SULT1E1: variants seen among roughly 807,000 people sequenced by gnomAD.
SULT1E1 encodes the protein sulfotransferase family 1E member 1.
Under a neutral mutation model 33.6 loss-of-function variants are expected in SULT1E1, and 36 were observed. The observed-to-expected ratio is 1.07, with a 90% CI of 0.82 to 1.41. The LOEUF (loss-of-function observed/expected upper bound fraction) is 1.41. Ranked by LOEUF, SULT1E1 falls within the 40% of genes most tolerant of loss-of-function variation. The pLI, the probability that SULT1E1 is intolerant of heterozygous loss-of-function variation, is 0.00. For synonymous variants in SULT1E1, 121 were observed against 111.7 expected (o/e 1.08, Z -0.53); for missense variants, 371 against 345.7 (o/e 1.07, Z -0.58).
At chr4:69,857,944 A>G (rs188807705) in intron 1 of SULT1E1, among the ~76,000 whole-genome samples, 1 of 152,206 alleles carries the variant, frequency 6.6e-6, no homozygotes, top group Non-Finnish European at 1.5e-5. Context: ...TTATTCCGTG[A>G]TAAATAAAAA....
chr4:69,844,447 G>T, intron 6 of SULT1E1, 106 bp from the exon 7 acceptor site: 1 of 805,880 alleles, frequency 1.2e-6, no homozygotes, highest in South Asian at 2.4e-5. Context: ...ACTGATATTA[G>T]AATTAGATTT....
intron 6 of SULT1E1, among the ~76,000 whole-genome samples, chr4:69,845,541 A>G (rs1405975080): frequency 6.6e-6 from 1 of 151,380 alleles, no homozygotes; most frequent in African/African-American, 2.4e-5. Flanking sequence ...GTGTATATAT[A>G]TATAATATAT....
downstream of SULT1E1, among the ~76,000 whole-genome samples, chr4:69,836,466 A>C (rs1720798870): frequency 6.6e-6 from 1 of 152,178 alleles, no homozygotes; most frequent in Non-Finnish European, 1.5e-5. Context: ...GCCATTTGCT[A>C]TTAGGCAATC....
At chr4:69,836,383 T>C (rs74534777), downstream of SULT1E1, among the ~76,000 whole-genome samples, 6,656 of 152,316 alleles carry the variant, frequency 0.044, 214 homozygotes, top group East Asian at 0.082. Flanking sequence ...TTTCATCTTA[T>C]AGAGACATTC....
the SULT1E1 span, among the ~76,000 whole-genome samples, chr4:69,833,481 T>A: frequency 6.6e-6 from 1 of 152,340 alleles, no homozygotes; most frequent in Non-Finnish European, 1.5e-5. Flanking sequence ...ACTTACTGTC[T>A]GGTTCCTTCA....
chr4:69,829,564 C>T, the SULT1E1 span, among the ~76,000 whole-genome samples: 1 of 152,170 alleles, frequency 6.6e-6, no homozygotes, highest in African/African-American at 2.4e-5. Context: ...AGGGTTAACA[C>T]CATAGCCTAT....
intron 4 of SULT1E1, 95 bp from the exon 5 acceptor site, chr4:69,849,658 A>G: frequency 1.8e-6 from 2 of 1,123,696 alleles, no homozygotes; most frequent in Non-Finnish European, 2.5e-6. Context: ...TTCAAATATA[A>G]ACATAATACA....
the SULT1E1 span, among the ~76,000 whole-genome samples, chr4:69,822,844 A>G: frequency 3.1e-3 from 469 of 152,296 alleles, 1 homozygote; most frequent in Non-Finnish European, 4.8e-3. Flanking sequence ...GGAGATGTTT[A>G]GAAGAATATG....
the SULT1E1 span, among the ~76,000 whole-genome samples, chr4:69,829,899 A>C: frequency 6.6e-6 from 1 of 152,146 alleles, no homozygotes; most frequent in Non-Finnish European, 1.5e-5. Context: ...AGGCTCCTGG[A>C]GGCCCAAAGA....
the SULT1E1 span, among the ~76,000 whole-genome samples, chr4:69,827,909 C>T: frequency 2.6e-5 from 4 of 152,168 alleles, no homozygotes; most frequent in Non-Finnish European, 5.9e-5. Flanking sequence ...GAGAAACAAG[C>T]CACCCCCTCA....
chr4:69,842,250 G>T (rs1393603691), intron 7 of SULT1E1, 144 bp from the exon 8 acceptor site: 4 of 553,442 alleles, frequency 7.2e-6, no homozygotes, highest in Non-Finnish European at 6.2e-6. Flanking sequence ...TACCTTTAAT[G>T]ATATACTTTT....
chr4:69,847,613 A>T, intron 6 of SULT1E1, 85 bp downstream of exon 6: 1 of 856,412 alleles, frequency 1.2e-6, no homozygotes, highest in Non-Finnish European at 1.8e-6. Context: ...TCATTTATTT[A>T]AAGGAATATT....
the SULT1E1 span, among the ~76,000 whole-genome samples, chr4:69,824,580 C>T: frequency 5.9e-5 from 9 of 152,090 alleles, no homozygotes; most frequent in African/African-American, 1.4e-4. Context: ...TGAAGCCAGC[C>T]GGGGTTCTTG....
At chr4:69,835,195 C>T in the SULT1E1 span, among the ~76,000 whole-genome samples, 842 of 152,278 alleles carry the variant, frequency 5.5e-3, 7 homozygotes, top group African/African-American at 0.019. Flanking sequence ...CTTCAGTTTC[C>T]ATATCACTTT....
At chr4:69,857,750 C>G in intron 1 of SULT1E1, 97 bp from the exon 2 acceptor site, 2 of 1,149,732 alleles carry the variant, frequency 1.7e-6, no homozygotes, top group South Asian at 4.1e-5. Flanking sequence ...ATACCTAGCA[C>G]TTCTTAGTTG....
At position 69,857,427 on chromosome 4, in the gene SULT1E1, G is replaced by A. The variant is rs577061081; in HGVS notation, c.145+73C>T. The A allele has an allele frequency of 1.8e-5, 27 of 1,500,964 alleles. No homozygotes were observed. The African/African-American group carries it at 3.6e-4, about 20-fold the overall frequency. 93.0% of individuals were successfully genotyped at this position (1,500,964 alleles called of 1,614,324 possible). ...TATAGAGAATGAGTGTGTACGACATGAACACCTTAATATTTACCATTTACA... is the reference window on the plus strand; with the variant it reads ...TATAGAGAATGAGTGTGTACGACATAAACACCTTAATATTTACCATTTACA... On this transcript the variant is annotated intron_variant, in intron 2 of 7. Transcript: ENST00000226444.
the SULT1E1 span, among the ~76,000 whole-genome samples, chr4:69,834,992 T>G: frequency 6.6e-6 from 1 of 152,138 alleles, no homozygotes; most frequent in Non-Finnish European, 1.5e-5. Flanking sequence ...GTCAAAAATT[T>G]TATATTCTTT....
downstream of SULT1E1, among the ~76,000 whole-genome samples, chr4:69,840,902 C>T (rs1270084959): frequency 1.3e-5 from 2 of 151,940 alleles, no homozygotes; most frequent in Non-Finnish European, 2.9e-5. Context: ...AAAAATTAGC[C>T]GGGCGTGGTG....
the SULT1E1 span, among the ~76,000 whole-genome samples, chr4:69,835,978 T>C: frequency 6.6e-6 from 1 of 152,194 alleles, no homozygotes; most frequent in Non-Finnish European, 1.5e-5. Context: ...CTTCATAGAA[T>C]CATTGCTATT....
Sources: gnomAD v4.1 joint callset for allele counts (sites outside exome capture counted in the v4.1 genomes callset) on GRCh38, gnomAD v4.1.1 for gene constraint, MANE v1.5 for transcripts, NCBI Gene and HGNC (gene_info 2026-07-23, HGNC 2026-07-21) for gene names.